Variants in NPHP1 observed in about 807,000 individuals in gnomAD.
The protein encoded by NPHP1 is nephrocystin 1.
A neutral mutation model predicts 90.4 loss-of-function variants in NPHP1; 70 were observed. The observed-to-expected ratio is 0.77, with a 90% confidence interval of 0.64 to 0.95. NPHP1 has a LOEUF of 0.95. NPHP1 is among the 40% of genes least tolerant of loss of function. The probability of loss-of-function intolerance (pLI) is 0.00; values close to 1 mark genes in which losing one functional copy is unlikely to be tolerated. For missense variants in NPHP1, 764 were observed against 795.9 expected (o/e 0.96, Z 0.48); for synonymous variants, 256 against 271.7 (o/e 0.94, Z 0.57).
chr2:110,200,970 G>T (rs558760191), intron 2 of NPHP1, among the ~76,000 whole-genome samples: 1 of 152,174 alleles, frequency 6.6e-6, no homozygotes, highest in South Asian at 2.1e-4. Context: ...CAAATGTTAT[G>T]AATTAATAGT....
intron 2 of NPHP1, among the ~76,000 whole-genome samples, chr2:110,198,692 G>A (rs1176826146): frequency 6.6e-6 from 1 of 152,066 alleles, no homozygotes; most frequent in Non-Finnish European, 1.5e-5. Flanking sequence ...CCCTATTCTG[G>A]CACTGGGGGA....
intron 13 of NPHP1, 64 bp downstream of exon 13, chr2:110,147,852 A>T: frequency 1.1e-6 from 1 of 926,496 alleles, no homozygotes; most frequent in Non-Finnish European, 1.8e-6. Flanking sequence ...TTGTCAATAG[A>T]CACATTTTTT....
Position 110,161,485 on chromosome 2 carries a change from TC to T in NPHP1, c.954+117del, listed in dbSNP as rs1682327327. 21 of 690,178 alleles carry T rather than the reference TC, an allele frequency of 3.0e-5. No homozygotes were observed. In the South Asian group the frequency reaches 3.6e-4, roughly 12 times the overall value. 42.8% of individuals were successfully genotyped at this position (690,178 alleles called of 1,614,324 possible). A position where few individuals can be genotyped will look rare whatever the true frequency, so the allele number is the denominator to read the frequency against. ...AAAAATATCGCTATTTTCAAAATTA[TC>T]ATAAACAATTTTTTTGTTTTTTATA... On this transcript the variant is annotated intron_variant, in intron 10 of 19. Transcript: ENST00000445609.
chr2:110,167,115 G>A (rs1015824170), intron 6 of NPHP1, among the ~76,000 whole-genome samples: 1 of 152,050 alleles, frequency 6.6e-6, no homozygotes, highest in Non-Finnish European at 1.5e-5. Context: ...AAAAATGTGT[G>A]TAATGAAAAA....
chr2:110,127,038 A>C (rs1679419245), intron 18 of NPHP1: 1 of 152,400 alleles, frequency 6.6e-6, no homozygotes. Context: ...AACAAAAAGA[A>C]GACTATACCT....
chr2:110,140,661 G>A (rs749925804), intron 16 of NPHP1, among the ~76,000 whole-genome samples: 1 of 152,096 alleles, frequency 6.6e-6, no homozygotes, highest in Non-Finnish European at 1.5e-5. Flanking sequence ...GATGTAGGAA[G>A]AATGAGGCCA....
chr2:110,155,539 C>A (rs1047077150), intron 11 of NPHP1, among the ~76,000 whole-genome samples: 1 of 152,266 alleles, frequency 6.6e-6, no homozygotes, highest in East Asian at 1.9e-4. Context: ...TTATACCCTG[C>A]AAAACAACAG....
chr2:110,170,145 A>G (rs2104579690), intron 4 of NPHP1, 147 bp from the exon 5 acceptor site: 1 of 1,129,038 alleles, frequency 8.9e-7, no homozygotes, highest in South Asian at 1.3e-5. Context: ...AACAGTTTCT[A>G]CCATCTAGCT....
chr2:110,200,837 ACTT>A (rs1286442042), intron 2 of NPHP1, among the ~76,000 whole-genome samples: 3 of 152,150 alleles, frequency 2.0e-5, no homozygotes, highest in African/African-American at 7.2e-5. Context: ...CTTAAGTAAA[ACTT>A]CTCCAAACAA....
intron 5 of NPHP1, 116 bp from the exon 6 acceptor site, chr2:110,168,669 A>G (rs1393825928): frequency 2.8e-6 from 2 of 726,122 alleles, no homozygotes; most frequent in Non-Finnish European, 4.8e-6. Context: ...TTTTAATCCA[A>G]TATTTATCCT....
intron 4 of NPHP1, among the ~76,000 whole-genome samples, chr2:110,170,465 G>A (rs1385084605): frequency 6.6e-6 from 1 of 152,140 alleles, no homozygotes; most frequent in Non-Finnish European, 1.5e-5. Flanking sequence ...ATTAAGATGA[G>A]TTACTACTTG....
intron 2 of NPHP1, chr2:110,184,053 G>T: frequency 2.0e-6 from 1 of 505,872 alleles, no homozygotes; most frequent in South Asian, 1.5e-5. Flanking sequence ...AGATTCCTCT[G>T]CCGTGGAGTC....
intron 2 of NPHP1, among the ~76,000 whole-genome samples, chr2:110,180,856 G>A (rs1683853989): frequency 6.6e-6 from 1 of 152,092 alleles, no homozygotes; most frequent in Non-Finnish European, 1.5e-5. Flanking sequence ...ATGCCACCAG[G>A]GCCTTGGGTC....
At chr2:110,185,242 G>A in intron 2 of NPHP1, 1 of 496,900 alleles carries the variant, frequency 2.0e-6, no homozygotes, top group Admixed American at 2.1e-5. Flanking sequence ...TCGCTTTGTT[G>A]AGTCAGAGTG....
At chr2:110,178,588 TCA>T (rs777155820) in intron 3 of NPHP1, 41 bp from the exon 4 acceptor site, 2 of 1,575,224 alleles carry the variant, frequency 1.3e-6, no homozygotes, top group Non-Finnish European at 1.7e-6. Context: ...AAAATTAATT[TCA>T]GTTTCCTAAT....
chr2:110,136,124 C>G (rs928402537), intron 16 of NPHP1, among the ~76,000 whole-genome samples: 24 of 152,086 alleles, frequency 1.6e-4, no homozygotes, highest in Non-Finnish European at 2.6e-4. Context: ...ATTCAACATC[C>G]CTTCATGCTA....
chr2:110,144,691 A>C, intron 14 of NPHP1, 122 bp from the exon 15 acceptor site: 1 of 695,872 alleles, frequency 1.4e-6, no homozygotes, highest in South Asian at 1.6e-5. Context: ...CCTCGTTGGT[A>C]AATGAAAAGA....
intron 16 of NPHP1, among the ~76,000 whole-genome samples, chr2:110,141,026 G>A (rs530029799): frequency 6.6e-6 from 1 of 152,262 alleles, no homozygotes; most frequent in South Asian, 2.1e-4. Flanking sequence ...GCAATGAGCA[G>A]GTCATGGTGG....
At chr2:110,157,210 A>T (rs181905883) in intron 11 of NPHP1, among the ~76,000 whole-genome samples, 1 of 152,332 alleles carries the variant, frequency 6.6e-6, no homozygotes, top group East Asian at 1.9e-4. Context: ...TCTTTCATAA[A>T]GTAAATTTCA....
Sources: allele counts gnomAD v4.1 joint callset (sites outside exome capture counted in the v4.1 genomes callset), GRCh38; gene constraint gnomAD v4.1.1; transcripts MANE v1.5; gene names NCBI Gene and HGNC (gene_info 2026-07-23, HGNC 2026-07-21).